The following PHACTR2 variants were observed in gnomAD, a reference collection of about 807,000 sequenced individuals.
PHACTR2 encodes phosphatase and actin regulator 2.
A neutral mutation model predicts 76.0 loss-of-function variants in PHACTR2; 30 were observed. The ratio of observed to expected loss-of-function variants is 0.39; its 90% confidence interval spans 0.30 to 0.54. The LOEUF (loss-of-function observed/expected upper bound fraction) is 0.54. PHACTR2 is among the 20% of genes least tolerant of loss of function. The pLI is 0.61. For missense variants in PHACTR2, 696 were observed against 781.1 expected, an observed-to-expected ratio of 0.89 and a Z score of 1.30; for synonymous variants, 292 against 292.5, an observed-to-expected ratio of 1.00 and a Z score of 0.02.
In PHACTR2 at chr6:143,571,605, G is replaced by T. The variant is rs1227938416; in HGVS notation, c.217+34398G>T. Among the ~76,000 whole-genome samples, 3 of 151,736 alleles carry T rather than the reference G, an allele frequency of 2.0e-5. No individual in the cohort carries two copies. Among genetic ancestry groups the T allele is most frequent in the Admixed American group, 6.6e-5 (1 of 15,224 alleles). On this transcript the variant is annotated intron_variant, in intron 1 of 11. Coordinates refer to the PHACTR2 transcript ENST00000367584. The surrounding 1 kb of genome is among the most constrained non-coding windows in gnomAD (Gnocchi z 4.6). ...TTTTAAAATTTTTTTATAGAGATGAGGTCTTGCTATGTTTCCCAGGCCGGT... is the reference window on the plus strand; with the variant it reads ...TTTTAAAATTTTTTTATAGAGATGATGTCTTGCTATGTTTCCCAGGCCGGT...
chr6:143,788,725 G>T (rs750123258), intron 10 of PHACTR2, 48 bp from the exon 11 acceptor site: 1 of 1,557,942 alleles, frequency 6.4e-7, no homozygotes, highest in Non-Finnish European at 8.8e-7. Context: ...CCACCATGAG[G>T]CTGTAAGTGG....
In PHACTR2 at chr6:143,818,824, T is replaced by C. The variant is rs553910895; in HGVS notation, c.1923-4850T>C. Among the ~76,000 whole-genome samples the C allele has an allele frequency of 1.3e-5, 2 of 152,212 alleles. No homozygotes were observed. Among genetic ancestry groups the C allele is most frequent in the Non-Finnish European group, 2.9e-5 (2 of 68,036 alleles). ...CCACAACATGTGGGGATTATGAGAT[T>C]ACAATTCAAGGTGAGGTTTCGGAGG... On this transcript the variant is annotated intron_variant, in intron 12 of 12. Coordinates refer to ENST00000440869, the MANE Select transcript of PHACTR2 (RefSeq NM_001100164.2). The surrounding 1 kb of genome is among the most constrained non-coding windows in gnomAD (Gnocchi z 4.9).
chr6:143,604,980 A>G (rs1775851876), upstream of PHACTR2, among the ~76,000 whole-genome samples: 1 of 134,268 alleles, frequency 7.4e-6, no homozygotes, highest in Non-Finnish European at 1.6e-5. Flanking sequence ...TGAGAGAGAC[A>G]GTTGCTAATA....
At position 143,809,527 on chromosome 6, in the gene PHACTR2, A is replaced by ATT. The variant is rs1266245959; in HGVS notation, c.1922+2396_1922+2397dup. Among the ~76,000 whole-genome samples the ATT allele has an allele frequency of 4.6e-5, 7 of 152,124 alleles. No homozygotes were observed. The East Asian group carries it at 1.4e-3, about 29-fold the overall frequency. On this transcript the variant is annotated intron_variant, in intron 12 of 12. Transcript: ENST00000440869. The surrounding 1 kb of genome is among the most constrained non-coding windows in gnomAD (Gnocchi z 4.2). ...CACCTGGCTTCTTTTTTATATATGTATTTGTATGTACAAAAATAATATATT... is the reference window on the plus strand; with the variant it reads ...CACCTGGCTTCTTTTTTATATATGTATTTTTGTATGTACAAAAATAATATATT...
At chr6:143,622,082 G>A (rs368030221) in intron 1 of PHACTR2, among the ~76,000 whole-genome samples, 2 of 152,300 alleles carry the variant, frequency 1.3e-5, no homozygotes, top group South Asian at 2.1e-4. Context: ...ACTTGTGTGG[G>A]CTGGAGTTTG....
chr6:143,686,590 T>C (rs2092762), intron 1 of PHACTR2, among the ~76,000 whole-genome samples: 78,493 of 149,990 alleles, frequency 0.52, 20,865 homozygotes, highest in African/African-American at 0.64. Flanking sequence ...TGGTTTCAAG[T>C]GATTCTCCTG....
rs538020156 is a variant in PHACTR2, at chr6:143,591,963, C to A, written c.217+54756C>A. Reference sequence around the variant, plus strand: ...GATTGTACTTCTGGTCTTCCTAGACCCGAGGGTTAGCCTGGGCATGGCTGT... The same window carrying A: ...GATTGTACTTCTGGTCTTCCTAGACACGAGGGTTAGCCTGGGCATGGCTGT... On this transcript the variant is annotated intron_variant, in intron 1 of 11. Transcript: ENST00000367584. This position sits in a 1 kb window ranked among gnomAD's most constrained non-coding sequence, Gnocchi z 6.4. Among the ~76,000 whole-genome samples the A allele has an allele frequency of 1.3e-5, 2 of 152,194 alleles. No individual in the cohort carries two copies. The highest frequency in any genetic ancestry group is 1.3e-4 in the Admixed American group (2 of 15,294).
intron 1 of PHACTR2, among the ~76,000 whole-genome samples, chr6:143,579,257 G>A (rs1171365407): frequency 6.6e-6 from 1 of 152,104 alleles, no homozygotes; most frequent in Non-Finnish European, 1.5e-5. Context: ...AGAAGGGAAA[G>A]GTGTACTGGG....
rs553371498 is a variant in PHACTR2 at position 143,777,188 on chromosome 6, A to T, written c.1590-140A>T. On this transcript the variant is annotated intron_variant, in intron 8 of 12. Transcript: ENST00000440869. This position sits in a 1 kb window ranked among gnomAD's most constrained non-coding sequence, Gnocchi z 4.6. ...GATCTGTAGTCTCCAAACTAATGGG[A>T]AGGAGACTTTTATTTTGCAGCTTTA... 1.8e-6 allele frequency: 1 copy of T among 547,704 alleles called. No individual in the cohort carries two copies. The highest frequency in any genetic ancestry group is 1.9e-5 in the African/African-American group (1 of 51,534). 33.9% of individuals were successfully genotyped at this position (547,704 alleles called of 1,614,324 possible).
At chr6:143,685,627 C>T (rs58189054) in intron 1 of PHACTR2, among the ~76,000 whole-genome samples, 8,028 of 148,644 alleles carry the variant, frequency 0.054, 651 homozygotes, top group African/African-American at 0.18. Flanking sequence ...CCTATGTTAC[C>T]TGACCAAAGA....
rs533807844 is a variant in PHACTR2 at position 143,695,901 on chromosome 6, C to A, written c.47-16115C>A. ...TTATACGGTGCAGGATTTTTAAAAACCAAAAGGAACAACAATTTGTATCTG... is the reference window on the plus strand; with the variant it reads ...TTATACGGTGCAGGATTTTTAAAAAACAAAAGGAACAACAATTTGTATCTG... On this transcript the variant is annotated intron_variant, in intron 1 of 12. Transcript: ENST00000440869. This position sits in a 1 kb window ranked among gnomAD's most constrained non-coding sequence, Gnocchi z 4.4. 6.6e-6 allele frequency among the ~76,000 whole-genome samples: 1 copy of A among 152,162 alleles called. No individual in the cohort carries two copies. Among genetic ancestry groups the A allele is most frequent in the East Asian group, 1.9e-4 (1 of 5,190 alleles).
At chr6:143,786,741 T>A (rs1276078561) in intron 10 of PHACTR2, among the ~76,000 whole-genome samples, 1 of 152,150 alleles carries the variant, frequency 6.6e-6, no homozygotes, top group Non-Finnish European at 1.5e-5. Flanking sequence ...CAGAAACCCT[T>A]GATAAACCCA....
chr6:143,734,696 C>T (rs982200317), intron 2 of PHACTR2, among the ~76,000 whole-genome samples: 1 of 152,186 alleles, frequency 6.6e-6, no homozygotes, highest in African/African-American at 2.4e-5. Flanking sequence ...AAAAGGAGCA[C>T]TGTTCCCACC....
chr6:143,651,251 A>G (rs1776758836), intron 1 of PHACTR2, among the ~76,000 whole-genome samples: 1 of 152,202 alleles, frequency 6.6e-6, no homozygotes, highest in Non-Finnish European at 1.5e-5. Flanking sequence ...GGGAGTGTGA[A>G]TTAGTTCAAC....
rs1384678655 is a variant in PHACTR2, at chr6:143,704,299, A to G, written c.47-7717A>G. Among the ~76,000 whole-genome samples, 4 of 152,290 alleles carry G rather than the reference A, an allele frequency of 2.6e-5. No individual in the cohort carries two copies. The East Asian group carries it at 7.7e-4, about 29-fold the overall frequency. On this transcript the variant is annotated intron_variant, in intron 1 of 12. Transcript: ENST00000440869. ...AAAAAGTGTTGAAACAGCCATTTAAATGTTCTCTTACTTATAGAATACTGG... is the reference window on the plus strand; with the variant it reads ...AAAAAGTGTTGAAACAGCCATTTAAGTGTTCTCTTACTTATAGAATACTGG...
At chr6:143,674,354 A>G (rs1001441597), upstream of PHACTR2, among the ~76,000 whole-genome samples, 2 of 152,190 alleles carry the variant, frequency 1.3e-5, no homozygotes, top group Non-Finnish European at 2.9e-5. This position sits in a 1 kb window ranked among gnomAD's most constrained non-coding sequence, Gnocchi z 4.9. Context: ...CAACTTTTGC[A>G]TATCGTTTTT....
chr6:143,813,383 G>A (rs897399969), intron 12 of PHACTR2, among the ~76,000 whole-genome samples: 2 of 152,246 alleles, frequency 1.3e-5, no homozygotes, highest in African/African-American at 4.8e-5. Context: ...ACTTTGGGAG[G>A]CTGAGGTCGG....
Position 143,563,399 on chromosome 6 carries a change from C to T in PHACTR2, c.217+26192C>T, listed in dbSNP as rs1484751694. 4.0e-5 allele frequency among the ~76,000 whole-genome samples: 6 copies of T among 151,572 alleles called. No individual in the cohort carries two copies. The South Asian group carries it at 6.3e-4, about 16-fold the overall frequency. On this transcript the variant is annotated intron_variant, in intron 1 of 11. Coordinates refer to the PHACTR2 transcript ENST00000367584. ...CGAACATGGTGAAACCGCATCTCTA[C>T]GAAAAATTAAGCCAGGCATGGTGGC...
At chr6:143,702,797 T>TTTTTTTA (rs1777946527) in intron 1 of PHACTR2, among the ~76,000 whole-genome samples, 1 of 135,886 alleles carries the variant, frequency 7.4e-6, no homozygotes, top group African/African-American at 2.7e-5. Context: ...TTTTTTTTTT[T>TTTTTTTA]TTACAGAAAA....
Sources: allele counts gnomAD v4.1 joint callset (sites outside exome capture counted in the v4.1 genomes callset), GRCh38; gene constraint gnomAD v4.1.1; non-coding constraint Gnocchi (gnomAD v3.1); transcripts MANE v1.5; gene names NCBI Gene and HGNC (gene_info 2026-07-23, HGNC 2026-07-21).